The following PDZD2 variants were observed in gnomAD, a reference collection of about 807,000 sequenced individuals.
The protein encoded by PDZD2 is PDZ domain containing 2.
PDZD2 carries 90 observed loss-of-function variants against 220.7 expected under a neutral mutation model. The observed-to-expected ratio is 0.41, with a 90% CI of 0.34 to 0.49. The LOEUF is 0.49. Among genes scored for constraint, PDZD2 ranks in the 20% least tolerant of loss-of-function variants. PDZD2 has a pLI of 0.28. For synonymous variants in PDZD2, 1,375 were observed against 1,450.5 expected, an observed-to-expected ratio of 0.95 and a Z score of 1.18; for missense variants, 3,174 against 3,608.5, an observed-to-expected ratio of 0.88 and a Z score of 3.08.
At chr5:31,838,897 A>G (rs1186096530) in intron 2 of PDZD2, among the ~76,000 whole-genome samples, 1 of 152,104 alleles carries the variant, frequency 6.6e-6, no homozygotes, top group Non-Finnish European at 1.5e-5. Context: ...CTTCATCTTC[A>G]TCATCTGAAG....
At chr5:31,857,263 CCT>C (rs1361743994) in intron 2 of PDZD2, among the ~76,000 whole-genome samples, 1 of 152,194 alleles carries the variant, frequency 6.6e-6, no homozygotes, top group African/African-American at 2.4e-5. Context: ...ACTCTGTCCT[CCT>C]CCGCTTGCCG....
chr5:31,804,921 T>C (rs1754621652), intron 2 of PDZD2, among the ~76,000 whole-genome samples: 1 of 152,064 alleles, frequency 6.6e-6, no homozygotes, highest in South Asian at 2.1e-4. Flanking sequence ...CGGTCAGGCG[T>C]GGTGGCTCAT....
intron 8 of PDZD2, among the ~76,000 whole-genome samples, 159 bp downstream of exon 8, chr5:32,048,843 C>T (rs1206557428): frequency 2.6e-5 from 4 of 152,162 alleles, no homozygotes; most frequent in Admixed American, 2.0e-4. Flanking sequence ...ACAAAGAAGT[C>T]AGCCTAATAC....
intron 2 of PDZD2, among the ~76,000 whole-genome samples, chr5:31,813,179 G>A (rs573721267): frequency 5.3e-5 from 8 of 152,112 alleles, no homozygotes; most frequent in Non-Finnish European, 8.8e-5. Context: ...GGCCAGGTGC[G>A]GTGGCTCACG....
At chr5:31,998,122 T>C (rs1433540084) in intron 4 of PDZD2, among the ~76,000 whole-genome samples, 1 of 152,184 alleles carries the variant, frequency 6.6e-6, no homozygotes, top group East Asian at 1.9e-4. Context: ...ATGGTCTTGA[T>C]GGCATTCTGA....
At chr5:31,834,274 C>G (rs963221233) in intron 2 of PDZD2, among the ~76,000 whole-genome samples, 2 of 152,164 alleles carry the variant, frequency 1.3e-5, no homozygotes, top group Non-Finnish European at 2.9e-5. Context: ...GCTAGCTGAC[C>G]GCCAATTCCA....
intron 5 of PDZD2, among the ~76,000 whole-genome samples, chr5:32,006,540 A>G (rs940969198): frequency 6.6e-6 from 1 of 151,778 alleles, no homozygotes; most frequent in African/African-American, 2.4e-5. Context: ...TGTTTGAGAC[A>G]GATTTAAACA....
chr5:31,983,926 T>C (rs933650026), intron 3 of PDZD2, among the ~76,000 whole-genome samples: 1 of 152,212 alleles, frequency 6.6e-6, no homozygotes, highest in African/African-American at 2.4e-5. Context: ...GCTAGTCAAG[T>C]GATCCTAAGT....
At chr5:31,747,317 G>C (rs932396548) in intron 1 of PDZD2, among the ~76,000 whole-genome samples, 3 of 152,192 alleles carry the variant, frequency 2.0e-5, no homozygotes, top group East Asian at 3.8e-4. Flanking sequence ...TTGGACAAAG[G>C]GGGTATGATC....
At chr5:32,079,796 A>C (rs1205252644) in intron 19 of PDZD2, among the ~76,000 whole-genome samples, 1 of 151,888 alleles carries the variant, frequency 6.6e-6, no homozygotes. Flanking sequence ...GGGCAAAAAG[A>C]GCGAGACTCC....
At chr5:32,011,808 G>A (rs927303457) in intron 6 of PDZD2, among the ~76,000 whole-genome samples, 2 of 152,114 alleles carry the variant, frequency 1.3e-5, no homozygotes, top group African/African-American at 4.8e-5. Flanking sequence ...CTTCCTTTTT[G>A]TTCCTGGAAA....
chr5:31,654,467 C>T (rs146893271), intron 1 of PDZD2, among the ~76,000 whole-genome samples: 1 of 152,238 alleles, frequency 6.6e-6, no homozygotes, highest in African/African-American at 2.4e-5. Context: ...TGTCTGTCAT[C>T]CTGATGGCTT....
At position 32,109,145 on chromosome 5, in the gene PDZD2, A is replaced by G. The variant is rs1460028999; in HGVS notation, c.*1010A>G. 6.6e-6 allele frequency: 1 copy of G among 152,364 alleles called. No homozygotes were observed. Among genetic ancestry groups the G allele is most frequent in the Non-Finnish European group, 1.5e-5 (1 of 68,040 alleles). The allele number at this position is 152,364 out of a possible 1,614,324, so 9.4% of individuals were successfully genotyped here. On this transcript the variant is annotated 3_prime_UTR_variant, in exon 25 of 25. Transcript: ENST00000438447. ...TATCTTTCTAAGTGTCCTTGGATTT[A>G]TAGACAATGTATGTACAATCCAAAT... is the stretch of plus-strand genomic sequence containing the variant.
At chr5:31,821,786 G>A (rs537712716) in intron 2 of PDZD2, among the ~76,000 whole-genome samples, 6 of 152,120 alleles carry the variant, frequency 3.9e-5, no homozygotes, top group Admixed American at 1.3e-4. Context: ...CCATCAAGCC[G>A]TCATCTAGGT....
At chr5:31,859,119 C>A (rs1262530735) in intron 2 of PDZD2, among the ~76,000 whole-genome samples, 1 of 152,024 alleles carries the variant, frequency 6.6e-6, no homozygotes, top group Non-Finnish European at 1.5e-5. Context: ...TTTCCACACC[C>A]CTATGATTGA....
rs755633912 is a variant in PDZD2, at chr5:32,090,856, C to T, written c.7408C>T (p.Arg2470Cys). 14 of 1,613,910 alleles carry T rather than the reference C, an allele frequency of 8.7e-6. No individual in the cohort carries two copies. The highest frequency in any genetic ancestry group is 7.7e-5 in the South Asian group (7 of 91,082). The change falls in exon 20 of 25, where the codon CGC becomes TGC. Residue 2470 changes from arginine to cysteine, a missense_variant. By Grantham distance (180) the Arg-to-Cys change is radical (BLOSUM62 -3). Transcript: ENST00000438447. The surrounding 1 kb of genome is among the most constrained non-coding windows in gnomAD (Gnocchi z 4.3). The stretch of plus-strand genomic sequence containing the variant: ...TGTTAAGAGGAACAAGTCCTCGGTA[C>T]GCCACACGCAGCCCTCGCCCGTGTC... ...SPVKRNKSSV[R>C]HTQPSPVSRS...
chr5:31,826,145 T>C (rs1206646612), intron 2 of PDZD2, among the ~76,000 whole-genome samples: 1 of 152,068 alleles, frequency 6.6e-6, no homozygotes, highest in African/African-American at 2.4e-5. Flanking sequence ...TGAGGCAAAA[T>C]GTTTCCTGTC....
intron 2 of PDZD2, among the ~76,000 whole-genome samples, chr5:31,888,215 C>T (rs1286000715): frequency 2.0e-5 from 3 of 151,920 alleles, no homozygotes; most frequent in South Asian, 4.2e-4. Context: ...TCCTTCCCTT[C>T]CTTCCCTCCC....
chr5:31,763,542 G>A (rs1018717745), intron 1 of PDZD2, among the ~76,000 whole-genome samples: 2 of 152,158 alleles, frequency 1.3e-5, no homozygotes, highest in Non-Finnish European at 2.9e-5. Context: ...TGAATGATGC[G>A]TATGTGTTCT....
Sources: gnomAD v4.1 joint callset for allele counts (sites outside exome capture counted in the v4.1 genomes callset) on GRCh38, gnomAD v4.1.1 for gene constraint, Gnocchi (gnomAD v3.1) non-coding constraint, MANE v1.5 for transcripts, NCBI Gene and HGNC (gene_info 2026-07-23, HGNC 2026-07-21) for gene names.